The following HSF5 variants were observed in gnomAD, a reference collection of about 807,000 sequenced individuals.
HSF5 encodes the protein heat shock transcription factor 5.
Under a neutral mutation model 50.8 loss-of-function variants are expected in HSF5, and 5 were observed. The ratio of observed to expected loss-of-function variants is 0.10; its 90% confidence interval spans 0.05 to 0.21. The LOEUF is 0.21. Ranked by LOEUF, HSF5 falls within the 10% of genes least tolerant of loss-of-function variation. HSF5 has a pLI of 1.00. For missense variants in HSF5, 564 were observed against 762.6 expected, an observed-to-expected ratio of 0.74 and a Z score of 3.07; for synonymous variants, 307 against 307.4, an observed-to-expected ratio of 1.00 and a Z score of 0.02.
At chr17:58,430,019 AC>A (rs1353446167) in intron 5 of HSF5, among the ~76,000 whole-genome samples, 1 of 152,032 alleles carries the variant, frequency 6.6e-6, no homozygotes, top group African/African-American at 2.4e-5. Context: ...ATTAAGAAAT[AC>A]CTAGAAATCT....
chr17:58,475,353 CTG>C (rs1974998922), intron 2 of HSF5, among the ~76,000 whole-genome samples: 1 of 152,130 alleles, frequency 6.6e-6, no homozygotes, highest in South Asian at 2.1e-4. Flanking sequence ...ACCTTTAAAA[CTG>C]AGCATCATCT....
Position 58,480,211 on chromosome 17 carries a change from A to G in HSF5, c.607T>C (p.Tyr203His). Residue 203 changes from tyrosine to histidine, a missense_variant, in exon 2 of 6, where the codon TAC becomes CAC. Transcript: ENST00000323777. ...RSFRRDSLSP[Y>H]SCVSTPSHDH... ...TGGGATGGAGTTGATACACAGGAGT[A>G]AGGAGACAAACTATCTCGACGAAAT... 1 of 1,613,866 alleles carries G rather than the reference A, an allele frequency of 6.2e-7. No homozygotes were observed. Among genetic ancestry groups the G allele is most frequent in the Non-Finnish European group, 8.5e-7 (1 of 1,179,928 alleles).
rs371042096 is a variant in HSF5, at chr17:58,487,986, G to A, written c.289C>T (p.Pro97Ser). The A allele has an allele frequency of 4.5e-5, 73 of 1,610,564 alleles. No individual in the cohort carries two copies. Among genetic ancestry groups the A allele is most frequent in the Non-Finnish European group, 5.9e-5 (69 of 1,179,244 alleles). The stretch of plus-strand genomic sequence containing the variant: ...TTGCCTGCCGGTTTGCCGCCCCCCG[G>A]CCCGCCCAGCACCACCTTGCGGAAG... ...YGFRKVVLGG[P>S]GGGKPAGNGP... is the part of the protein sequence containing the mutation. Residue 97 changes from proline to serine, a missense_variant, in exon 1 of 6, where the codon CCG becomes TCG. This residue lies in a region of HSF5 where 29 missense variants were observed against 24.7 expected (regional missense o/e 1.18). Coordinates refer to ENST00000323777, the MANE Select transcript of HSF5 (RefSeq NM_001080439.3).
intron 2 of HSF5, among the ~76,000 whole-genome samples, chr17:58,472,872 C>A (rs1974967546): frequency 6.6e-6 from 1 of 152,128 alleles, no homozygotes; most frequent in African/African-American, 2.4e-5. Flanking sequence ...GAGTCAATAA[C>A]CCAGAGCAAT....
intron 5 of HSF5, among the ~76,000 whole-genome samples, chr17:58,443,080 T>A (rs988914748): frequency 2.0e-5 from 3 of 152,144 alleles, no homozygotes; most frequent in African/African-American, 7.2e-5. Context: ...GCTAATTTTT[T>A]GTATTTTTAG....
chr17:58,432,572 G>T (rs1434517538), intron 5 of HSF5, among the ~76,000 whole-genome samples: 1 of 152,150 alleles, frequency 6.6e-6, no homozygotes, highest in Non-Finnish European at 1.5e-5. Flanking sequence ...TGCTGGGGCT[G>T]GACTAGATGA....
intron 5 of HSF5, among the ~76,000 whole-genome samples, chr17:58,425,744 A>C (rs1039225886): frequency 6.6e-6 from 1 of 152,192 alleles, no homozygotes; most frequent in Non-Finnish European, 1.5e-5. Context: ...CATTGTGTCA[A>C]GGTCATGTAA....
Position 58,431,095 on chromosome 17 carries a change from A to G in HSF5, c.1721-8665T>C, listed in dbSNP as rs1567905531. Among the ~76,000 whole-genome samples, 3 of 152,200 alleles carry G rather than the reference A, an allele frequency of 2.0e-5. No homozygotes were observed. The East Asian group carries it at 5.8e-4, about 29-fold the overall frequency. ...GAGACCTGATGGATTTATAAGGGGG[A>G]GTTTCCCTTCAGAAGCTCTCTTCTC... On this transcript the variant is annotated intron_variant, in intron 5 of 5. Coordinates refer to ENST00000323777, the MANE Select transcript of HSF5 (RefSeq NM_001080439.3).
At chr17:58,454,923 T>A (rs972901239) in intron 5 of HSF5, among the ~76,000 whole-genome samples, 2 of 152,162 alleles carry the variant, frequency 1.3e-5, no homozygotes, top group Non-Finnish European at 2.9e-5. Context: ...ACAGATTTAA[T>A]GCAAGCCTTA....
At chr17:58,483,440 A>G (rs1351771754) in intron 1 of HSF5, among the ~76,000 whole-genome samples, 1 of 152,248 alleles carries the variant, frequency 6.6e-6, no homozygotes, top group Non-Finnish European at 1.5e-5. Flanking sequence ...ATTCAGATCA[A>G]CATTACAGAG....
chr17:58,464,880 A>C (rs1323600035), intron 3 of HSF5, among the ~76,000 whole-genome samples: 2 of 149,598 alleles, frequency 1.3e-5, no homozygotes, highest in African/African-American at 4.9e-5. Flanking sequence ...TGATCCACCC[A>C]CCTCAGCCTC....
At chr17:58,430,962 A>C (rs1235003066) in intron 5 of HSF5, among the ~76,000 whole-genome samples, 2 of 152,192 alleles carry the variant, frequency 1.3e-5, no homozygotes, top group African/African-American at 4.8e-5. Flanking sequence ...TCCCCAACCC[A>C]AATCCCACCT....
rs780179956 is a variant in HSF5 at position 58,422,369 on chromosome 17, T to C, written c.1782A>G (p.Leu594=). 1.2e-6 allele frequency: 2 copies of C among 1,613,426 alleles called. No homozygotes were observed. Among genetic ancestry groups the C allele is most frequent in the Non-Finnish European group, 1.7e-6 (2 of 1,179,390 alleles). ...ATTTGTCATCCATTCCTCACTCTTT[T>C]AATTCTTCCTCCTTTGGAAAGCGCT... ...KQERFPKEEE[L]KE The change falls in exon 6 of 6, where the codon TTA becomes TTG. Residue 594 remains leucine (L), a synonymous_variant. Transcript: ENST00000323777.
chr17:58,423,386 T>C (rs1235225673), intron 5 of HSF5, among the ~76,000 whole-genome samples: 1 of 151,816 alleles, frequency 6.6e-6, no homozygotes, highest in Non-Finnish European at 1.5e-5. Flanking sequence ...AGCTAAAACG[T>C]CTATAGAGGA....
intron 2 of HSF5, among the ~76,000 whole-genome samples, chr17:58,477,452 C>T (rs1362008544): frequency 8.2e-6 from 1 of 121,276 alleles, no homozygotes; most frequent in Non-Finnish European, 1.6e-5. Context: ...CAACAAATTA[C>T]TCCATTCCCC....
intron 1 of HSF5, among the ~76,000 whole-genome samples, chr17:58,486,671 C>T (rs1479913048): frequency 1.3e-5 from 2 of 152,172 alleles, no homozygotes; most frequent in African/African-American, 4.8e-5. Flanking sequence ...GGAACTATAT[C>T]TTGTAAGCCA....
chr17:58,449,090 G>T (rs183288262), intron 5 of HSF5, among the ~76,000 whole-genome samples: 33 of 152,214 alleles, frequency 2.2e-4, no homozygotes, highest in African/African-American at 7.5e-4. Flanking sequence ...ATAACTGTAA[G>T]ATGTTTTTTG....
chr17:58,468,288 C>T (rs1001309941), intron 2 of HSF5, among the ~76,000 whole-genome samples: 29 of 152,152 alleles, frequency 1.9e-4, no homozygotes, highest in Admixed American at 6.5e-5. Flanking sequence ...GTCCCAGCTA[C>T]TCAGGAGGCT....
intron 4 of HSF5, among the ~76,000 whole-genome samples, chr17:58,461,278 T>C (rs3887355): frequency 0.19 from 29,381 of 151,496 alleles, 3,013 homozygotes; most frequent in Non-Finnish European, 0.21. Flanking sequence ...AATGGGCCTA[T>C]ATTTTGTCTA....
Sources: gnomAD v4.1 joint callset for allele counts (sites outside exome capture counted in the v4.1 genomes callset) on GRCh38, gnomAD v4.1.1 for gene constraint, gnomAD v4.1.1 regional missense constraint, MANE v1.5 for transcripts, NCBI Gene and HGNC (gene_info 2026-07-23, HGNC 2026-07-21) for gene names.